GADL1: variants seen among roughly 807,000 people sequenced by gnomAD.
GADL1 encodes GAD like acidic amino acid decarboxylase 1.
In GADL1, 71 loss-of-function variants were observed where a neutral mutation model predicts 69.5. The observed-to-expected ratio is 1.02, with a 90% confidence interval of 0.84 to 1.25. The LOEUF (loss-of-function observed/expected upper bound fraction) is 1.25, where lower values mean the gene tolerates loss of function less well. Among genes scored for constraint, GADL1 ranks in the 50% most tolerant of loss-of-function variants. GADL1 has a pLI of 0.00. For missense variants in GADL1, 737 were observed against 631.8 expected (o/e 1.17, Z -1.79); for synonymous variants, 254 against 214.4 (o/e 1.18, Z -1.62).
intron 9 of GADL1, among the ~76,000 whole-genome samples, chr3:30,837,456 C>T (rs1235630884): frequency 6.6e-6 from 1 of 152,082 alleles, no homozygotes; most frequent in Non-Finnish European, 1.5e-5. Flanking sequence ...GTGTGGTTTA[C>T]ATTCCCTTAT....
At chr3:30,771,689 AC>A (rs1696423302) in intron 14 of GADL1, among the ~76,000 whole-genome samples, 1 of 152,224 alleles carries the variant, frequency 6.6e-6, no homozygotes, top group African/African-American at 2.4e-5. Context: ...AAAGTGCTGC[AC>A]CTTTAAAGAC....
chr3:30,871,682 G>A (rs1191443049), intron 1 of GADL1, among the ~76,000 whole-genome samples: 5 of 151,688 alleles, frequency 3.3e-5, no homozygotes, highest in Admixed American at 6.6e-5. Context: ...ATGAGACTAC[G>A]TTGTGTTAGA....
chr3:30,882,453 C>T (rs554564911), intron 1 of GADL1, among the ~76,000 whole-genome samples: 1 of 152,040 alleles, frequency 6.6e-6, no homozygotes, highest in East Asian at 1.9e-4. Context: ...TTGTGACTGA[C>T]TTCACTCTGC....
At chr3:30,840,604 C>T (rs926598408) in intron 8 of GADL1, among the ~76,000 whole-genome samples, 1 of 152,144 alleles carries the variant, frequency 6.6e-6, no homozygotes, top group Admixed American at 6.5e-5. Context: ...TTTACTAAAA[C>T]CATTTAAGTT....
At chr3:30,862,428 A>C (rs1683538131) in intron 1 of GADL1, among the ~76,000 whole-genome samples, 1 of 152,030 alleles carries the variant, frequency 6.6e-6, no homozygotes, top group Admixed American at 6.6e-5. Context: ...TAGTGGTTTT[A>C]ACTTTCAGAA....
chr3:30,751,948 C>T (rs1229519533), intron 14 of GADL1, among the ~76,000 whole-genome samples: 1 of 152,114 alleles, frequency 6.6e-6, no homozygotes, highest in East Asian at 1.9e-4. Flanking sequence ...GGTAATGAGG[C>T]TGAAGATGAA....
intron 9 of GADL1, among the ~76,000 whole-genome samples, chr3:30,836,331 A>G (rs1697872659): frequency 6.6e-6 from 1 of 151,628 alleles, no homozygotes; most frequent in Admixed American, 6.6e-5. Context: ...CTTCCAAGGC[A>G]TTAGTTCACC....
intron 11 of GADL1, among the ~76,000 whole-genome samples, chr3:30,829,139 C>T (rs566417621): frequency 1.4e-4 from 20 of 147,532 alleles, no homozygotes; most frequent in Middle Eastern, 3.5e-3. Context: ...AAAACAGCCA[C>T]GCAAATCCCG....
At chr3:30,751,668 C>T (rs577615172) in intron 14 of GADL1, among the ~76,000 whole-genome samples, 3 of 152,222 alleles carry the variant, frequency 2.0e-5, no homozygotes, top group South Asian at 4.1e-4. Context: ...CCTATAAGCC[C>T]ACCCCTTCAT....
At chr3:30,783,826 T>C (rs1247299609) in intron 13 of GADL1, among the ~76,000 whole-genome samples, 2 of 152,178 alleles carry the variant, frequency 1.3e-5, no homozygotes, top group Non-Finnish European at 2.9e-5. Flanking sequence ...ACATGAGTGT[T>C]TGCAATTTCC....
intron 13 of GADL1, among the ~76,000 whole-genome samples, chr3:30,780,660 T>C (rs1696646301): frequency 6.6e-6 from 1 of 152,176 alleles, no homozygotes; most frequent in Admixed American, 6.5e-5. Flanking sequence ...GGTTCTATAT[T>C]TTACAAGTTA....
At chr3:30,770,598 T>TGTG (rs57890817) in intron 14 of GADL1, among the ~76,000 whole-genome samples, 36,456 of 151,858 alleles carry the variant, frequency 0.24, 7,885 homozygotes, top group African/African-American at 0.57. Context: ...TGTTTACTGT[T>TGTG]AGCTGTGGGT....
In GADL1 at chr3:30,850,003, G is replaced by A; in HGVS notation, c.644C>T (p.Ser215Phe). The A allele has an allele frequency of 6.4e-7, 1 of 1,571,948 alleles. No homozygotes were observed. Among genetic ancestry groups the A allele is most frequent in the Non-Finnish European group, 8.8e-7 (1 of 1,142,318 alleles). The change falls in exon 6 of 15, where the codon TCT becomes TTT. Residue 215 changes from serine (S) to phenylalanine (F), a missense_variant. Transcript: ENST00000282538. ...ACCAAAAATAATTTTTACCTCTGCA[G>A]ATGTGAAAAGGATTAATCTTGGCGA... is the stretch of plus-strand genomic sequence containing the variant. ...SGSPRLILFTSAECHYSMKKA... is the reference protein window; with the variant it reads ...SGSPRLILFTFAECHYSMKKA...
At chr3:30,856,706 A>T (rs1025282631) in intron 3 of GADL1, among the ~76,000 whole-genome samples, 3 of 152,082 alleles carry the variant, frequency 2.0e-5, no homozygotes, top group African/African-American at 7.2e-5. Context: ...GTTTGGTCTA[A>T]CACAAGAAAT....
chr3:30,743,839 T>C (rs1450050046), intron 14 of GADL1, among the ~76,000 whole-genome samples: 1 of 152,218 alleles, frequency 6.6e-6, no homozygotes, highest in Non-Finnish European at 1.5e-5. Context: ...GTTCCATTGC[T>C]AAGTGACCAC....
At chr3:30,749,029 T>C (rs896330901) in intron 14 of GADL1, among the ~76,000 whole-genome samples, 8 of 152,224 alleles carry the variant, frequency 5.3e-5, no homozygotes, top group African/African-American at 1.9e-4. Context: ...TCTTTTACTA[T>C]AATTATCAAT....
intron 12 of GADL1, among the ~76,000 whole-genome samples, chr3:30,791,088 T>C (rs1489698904): frequency 1.3e-5 from 2 of 152,068 alleles, no homozygotes; most frequent in South Asian, 2.1e-4. Context: ...GGAAACAAGA[T>C]GCAATGAGGG....
intron 11 of GADL1, among the ~76,000 whole-genome samples, chr3:30,818,829 TC>T (rs1697520783): frequency 6.6e-6 from 1 of 152,156 alleles, no homozygotes; most frequent in South Asian, 2.1e-4. Flanking sequence ...CCTTAGCTCA[TC>T]CCAAGATGGT....
At chr3:30,856,945 C>G (rs748358370) in intron 3 of GADL1, 70 bp downstream of exon 3, 29 of 1,323,144 alleles carry the variant, frequency 2.2e-5, no homozygotes, top group Non-Finnish European at 2.9e-5. Flanking sequence ...CTATACTCAG[C>G]TTTGAGAGGC....
Sources: allele counts gnomAD v4.1 joint callset (sites outside exome capture counted in the v4.1 genomes callset), GRCh38; gene constraint gnomAD v4.1.1; transcripts MANE v1.5; gene names NCBI Gene and HGNC (gene_info 2026-07-23, HGNC 2026-07-21).